PRKG1: variants seen among roughly 807,000 people sequenced by gnomAD.
PRKG1 encodes cGMP-dependent protein kinase 1.
PRKG1 carries 35 observed loss-of-function variants against 88.1 expected under a neutral mutation model. The observed-to-expected ratio is 0.40, with a 90% CI of 0.30 to 0.53. The LOEUF is 0.53. PRKG1 is among the 20% of genes least tolerant of loss of function. The probability of loss-of-function intolerance (pLI) is 0.59; values close to 1 mark genes in which losing one functional copy is unlikely to be tolerated. For synonymous variants in PRKG1, 303 were observed against 292.5 expected (o/e 1.04, Z -0.37); for missense variants, 540 against 839.8 (o/e 0.64, Z 4.41).
chr10:52,260,778 A>G (rs564570981), intron 10 of PRKG1, among the ~76,000 whole-genome samples: 1 of 152,196 alleles, frequency 6.6e-6, no homozygotes, highest in South Asian at 2.1e-4. Context: ...TTTAATAATC[A>G]CTGCAAAATG....
At chr10:52,124,862 T>C (rs1197946092) in intron 7 of PRKG1, among the ~76,000 whole-genome samples, 1 of 151,964 alleles carries the variant, frequency 6.6e-6, no homozygotes, top group East Asian at 1.9e-4. Flanking sequence ...AGTGTAGGTC[T>C]ACACAGGGTT....
intron 5 of PRKG1, among the ~76,000 whole-genome samples, chr10:52,003,634 A>G (rs1364939707): frequency 6.6e-6 from 1 of 152,218 alleles, no homozygotes; most frequent in Middle Eastern, 3.2e-3. Flanking sequence ...GAACCCAGAT[A>G]CGAACCAGAC....
At chr10:51,805,982 A>G (rs745339322) in intron 4 of PRKG1, among the ~76,000 whole-genome samples, 14 of 152,172 alleles carry the variant, frequency 9.2e-5, no homozygotes, top group East Asian at 5.8e-4. Flanking sequence ...AGGGAATTAA[A>G]TTATTCAGGT....
chr10:52,117,855 A>G (rs1055516910), intron 7 of PRKG1, among the ~76,000 whole-genome samples: 1 of 152,030 alleles, frequency 6.6e-6, no homozygotes, highest in Non-Finnish European at 1.5e-5. Flanking sequence ...ACATGGTTCT[A>G]TACCATGGCC....
chr10:52,289,241 T>C (rs1194368938), intron 16 of PRKG1, among the ~76,000 whole-genome samples: 6 of 152,084 alleles, frequency 3.9e-5, no homozygotes, highest in Admixed American at 6.6e-5. Context: ...AGCATTTTTT[T>C]CCCCTCTGGC....
chr10:51,309,206 AG>A lies in PRKG1; in HGVS notation c.478+155878del, dbSNP rs546707261. Among the ~76,000 whole-genome samples, 6 of 152,314 alleles carry A rather than the reference AG, an allele frequency of 3.9e-5. No homozygotes were observed. The East Asian group carries it at 1.2e-3, about 29-fold the overall frequency. ...ACAGAAGGATGGGTTTAGAGATAAG[AG>A]GCAATATCTTAGTAACCAACACAAG... On this transcript the variant is annotated intron_variant, in intron 2 of 17. Transcript: ENST00000373980.
At chr10:51,498,694 C>T (rs1398407344) in intron 3 of PRKG1, among the ~76,000 whole-genome samples, 1 of 151,974 alleles carries the variant, frequency 6.6e-6, no homozygotes, top group East Asian at 1.9e-4. Flanking sequence ...AGTTTTTTGT[C>T]CCTGGAAGTT....
chr10:51,985,547 G>C (rs1844132559), intron 5 of PRKG1, among the ~76,000 whole-genome samples: 3 of 152,066 alleles, frequency 2.0e-5, no homozygotes, highest in Admixed American at 2.0e-4. Context: ...GTCAGCTCTT[G>C]GCACATCAGC....
chr10:51,908,733 A>ATCTATCATCTATCTATATAT (rs60587885), intron 5 of PRKG1: 1 of 131,666 alleles, frequency 7.6e-6, no homozygotes, highest in African/African-American at 2.9e-5. Context: ...ATCTATATGT[A>ATCTATCATCTATCTATATAT]ATTTTTTTTT....
At chr10:52,194,865 G>C (rs1370098174) in intron 9 of PRKG1, among the ~76,000 whole-genome samples, 1 of 152,064 alleles carries the variant, frequency 6.6e-6, no homozygotes, top group Non-Finnish European at 1.5e-5. Flanking sequence ...CTTGCATCAA[G>C]GTAATAAAAC....
chr10:51,365,793 C>T lies in PRKG1; in HGVS notation c.479-101930C>T, dbSNP rs1325056452. 2.6e-5 allele frequency among the ~76,000 whole-genome samples: 4 copies of T among 151,852 alleles called. 1 individual carries two copies. The highest frequency in any genetic ancestry group is 2.1e-4 in the South Asian group (1 of 4,836). ...AGTATCTCTCTTAAGTACCTAGTCT[C>T]ATCCACTATATGCATATTCTTACTA... On this transcript the variant is annotated intron_variant, in intron 2 of 17. Transcript: ENST00000373980.
chr10:51,757,607 C>T (rs2132520931), intron 3 of PRKG1, among the ~76,000 whole-genome samples: 2 of 152,044 alleles, frequency 1.3e-5, no homozygotes, highest in African/African-American at 4.8e-5. Flanking sequence ...TAGCAGCTAG[C>T]CACAAGTGGT....
At chr10:51,214,327 T>C (rs1459826148) in intron 2 of PRKG1, among the ~76,000 whole-genome samples, 1 of 152,202 alleles carries the variant, frequency 6.6e-6, no homozygotes, top group Non-Finnish European at 1.5e-5. Flanking sequence ...TTCAATGATA[T>C]TTGTCCCCTG....
intron 2 of PRKG1, among the ~76,000 whole-genome samples, chr10:51,274,396 A>G (rs1174967622): frequency 6.6e-6 from 1 of 152,178 alleles, no homozygotes. Context: ...AAGTTTGATT[A>G]CTGCACACTA....
At chr10:51,746,266 G>A (rs1837575782) in intron 3 of PRKG1, among the ~76,000 whole-genome samples, 1 of 148,746 alleles carries the variant, frequency 6.7e-6, no homozygotes, top group Admixed American at 6.7e-5. Flanking sequence ...CTGTGTAGAT[G>A]TTGTAAGCAA....
chr10:51,279,887 T>A (rs1468386130), intron 2 of PRKG1, among the ~76,000 whole-genome samples: 1 of 152,210 alleles, frequency 6.6e-6, no homozygotes, highest in Admixed American at 6.5e-5. Flanking sequence ...AAGTTTAATA[T>A]TGTTATGTGT....
chr10:51,734,603 A>G (rs533080014), intron 3 of PRKG1, among the ~76,000 whole-genome samples: 1 of 152,306 alleles, frequency 6.6e-6, no homozygotes, highest in East Asian at 1.9e-4. Flanking sequence ...GTTCCTTCTT[A>G]GTTGAGGGAT....
chr10:51,372,584 A>G (rs543487057), intron 2 of PRKG1, among the ~76,000 whole-genome samples: 35 of 152,302 alleles, frequency 2.3e-4, no homozygotes, highest in African/African-American at 8.4e-4. Context: ...CGTTTCCAAA[A>G]TCAAGTGAAG....
chr10:51,734,817 T>A (rs1273068702), intron 3 of PRKG1, among the ~76,000 whole-genome samples: 1 of 152,152 alleles, frequency 6.6e-6, no homozygotes, highest in Non-Finnish European at 1.5e-5. Context: ...AAGAATTCAG[T>A]CTTATCTGAA....
Sources: allele counts gnomAD v4.1 joint callset (sites outside exome capture counted in the v4.1 genomes callset), GRCh38; gene constraint gnomAD v4.1.1; transcripts MANE v1.5; gene names NCBI Gene and HGNC (gene_info 2026-07-23, HGNC 2026-07-21).